The following ARHGAP15 variants were observed in gnomAD, a reference collection of about 807,000 sequenced individuals.
The protein encoded by ARHGAP15 is Rho GTPase activating protein 15.
A neutral mutation model predicts 63.7 loss-of-function variants in ARHGAP15; 51 were observed. That is an observed-to-expected ratio of 0.80 (90% confidence interval 0.64 to 1.01). The LOEUF is 1.01. ARHGAP15 is among the 50% of genes least tolerant of loss of function. The pLI, the probability that ARHGAP15 is intolerant of heterozygous loss-of-function variation, is 0.00. For missense variants in ARHGAP15, 560 were observed against 564.6 expected (o/e 0.99, Z 0.08); for synonymous variants, 191 against 193.8 (o/e 0.99, Z 0.12).
At chr2:143,352,278 CTAAA>C (rs1436789249) in intron 6 of ARHGAP15, among the ~76,000 whole-genome samples, 1 of 152,042 alleles carries the variant, frequency 6.6e-6, no homozygotes, top group African/African-American at 2.4e-5. Flanking sequence ...CTACTGCCAT[CTAAA>C]TAAATAAATA....
intron 5 of ARHGAP15, among the ~76,000 whole-genome samples, chr2:143,240,550 T>C (rs1177742546): frequency 6.6e-6 from 1 of 152,200 alleles, no homozygotes; most frequent in Non-Finnish European, 1.5e-5. Context: ...CTTAGACTAA[T>C]GAAGGCATTT....
intron 11 of ARHGAP15, among the ~76,000 whole-genome samples, chr2:143,558,497 G>T (rs963340117): frequency 6.6e-6 from 1 of 152,000 alleles, no homozygotes; most frequent in Non-Finnish European, 1.5e-5. Flanking sequence ...CCAACTTTTG[G>T]AAAGGATATA....
intron 6 of ARHGAP15, among the ~76,000 whole-genome samples, chr2:143,281,978 T>C (rs1456376940): frequency 6.6e-6 from 1 of 152,132 alleles, no homozygotes; most frequent in African/African-American, 2.4e-5. Flanking sequence ...TTGTTATAGA[T>C]GGAATTGAAT....
rs1332673746 is a variant in ARHGAP15 at position 143,136,894 on chromosome 2, T to C, written c.-15+7428T>C. Among the ~76,000 whole-genome samples the C allele has an allele frequency of 4.6e-5, 7 of 152,130 alleles. No individual in the cohort carries two copies. In the East Asian group the frequency reaches 1.4e-3, roughly 29 times the overall value. The stretch of plus-strand genomic sequence containing the variant: ...AATGAATTAGATATTAAGCAAGAGG[T>C]ATAGGTACATCAGAATATCTTGAAT... On this transcript the variant is annotated intron_variant, in intron 1 of 13. Coordinates refer to ENST00000295095, the MANE Select transcript of ARHGAP15 (RefSeq NM_018460.4).
intron 6 of ARHGAP15, among the ~76,000 whole-genome samples, chr2:143,388,769 G>A (rs1322014061): frequency 1.3e-5 from 2 of 151,962 alleles, no homozygotes; most frequent in Non-Finnish European, 2.9e-5. Context: ...CCATTAATTT[G>A]TAATTTAATT....
intron 12 of ARHGAP15, among the ~76,000 whole-genome samples, chr2:143,643,368 G>C (rs950596983): frequency 6.6e-6 from 1 of 151,874 alleles, no homozygotes; most frequent in African/African-American, 2.4e-5. Context: ...TTATGTACAT[G>C]TGAATCTGTG....
At chr2:143,269,878 A>C (rs1201449061) in intron 6 of ARHGAP15, among the ~76,000 whole-genome samples, 1 of 152,154 alleles carries the variant, frequency 6.6e-6, no homozygotes, top group Non-Finnish European at 1.5e-5. Flanking sequence ...AAGTATCAGT[A>C]CCTTTTTTTA....
At chr2:143,702,980 G>A (rs938589539) in intron 12 of ARHGAP15, among the ~76,000 whole-genome samples, 7 of 152,116 alleles carry the variant, frequency 4.6e-5, no homozygotes, top group Non-Finnish European at 8.8e-5. Flanking sequence ...ACACATTCCA[G>A]GGATTCAGAC....
At chr2:143,311,353 TTG>T (rs995259324) in intron 6 of ARHGAP15, among the ~76,000 whole-genome samples, 1 of 151,952 alleles carries the variant, frequency 6.6e-6, no homozygotes, top group Non-Finnish European at 1.5e-5. Flanking sequence ...ATTCATATTC[TTG>T]TGAGTTCATG....
intron 5 of ARHGAP15, among the ~76,000 whole-genome samples, chr2:143,248,489 GTC>G: frequency 6.6e-6 from 1 of 152,332 alleles, no homozygotes; most frequent in Middle Eastern, 3.4e-3. Flanking sequence ...GTTAAGAACA[GTC>G]TCTGCAGTGA....
chr2:143,622,000 T>TTG (rs376130498), intron 11 of ARHGAP15, among the ~76,000 whole-genome samples: 4,315 of 150,678 alleles, frequency 0.029, 100 homozygotes, highest in South Asian at 0.097. Flanking sequence ...GTAGAGATAG[T>TTG]TGTGTGTGTG....
At chr2:143,218,057 G>C (rs938096577) in intron 4 of ARHGAP15, among the ~76,000 whole-genome samples, 2 of 152,100 alleles carry the variant, frequency 1.3e-5, no homozygotes, top group Admixed American at 6.5e-5. Flanking sequence ...AGAAGAACAG[G>C]TCCCTTCCCC....
At chr2:143,375,872 T>A (rs1686787148) in intron 6 of ARHGAP15, among the ~76,000 whole-genome samples, 1 of 152,208 alleles carries the variant, frequency 6.6e-6, no homozygotes, top group African/African-American at 2.4e-5. Context: ...TTTTACTTTT[T>A]TCGGTGATGG....
At chr2:143,740,945 G>A (rs921277976) in intron 13 of ARHGAP15, 1 of 151,978 alleles carries the variant, frequency 6.6e-6, no homozygotes, top group Admixed American at 6.6e-5. Flanking sequence ...AAAGAAAGGC[G>A]AGGATTTAGC....
chr2:143,714,406 G>T (rs1684718735), intron 13 of ARHGAP15, among the ~76,000 whole-genome samples: 1 of 152,226 alleles, frequency 6.6e-6, no homozygotes, highest in East Asian at 1.9e-4. Flanking sequence ...CTCTGGGCCT[G>T]TGATGGGAGG....
chr2:143,639,452 G>A (rs1256186343), intron 12 of ARHGAP15, among the ~76,000 whole-genome samples: 1 of 152,114 alleles, frequency 6.6e-6, no homozygotes, highest in African/African-American at 2.4e-5. Flanking sequence ...AGCAGATGGA[G>A]AAGGCTAAAG....
chr2:143,487,373 T>C lies in ARHGAP15; in HGVS notation c.704T>C (p.Met235Thr), dbSNP rs1692372531. The stretch of plus-strand genomic sequence containing the variant: ...GCCTCTGATTTTTTTAAATCTTCAG[T>C]GTTCAGACTGCATCACAGTGCTTCC... Reference protein sequence around the residue: ...EQKPEHRKSLMFRLHHSASDT... With the variant: ...EQKPEHRKSLTFRLHHSASDT... Residue 235 changes from methionine (M) to threonine (T), a missense_variant and splice_region_variant, in exon 9 of 14, where the codon ATG (methionine) becomes ACG (threonine). Coordinates refer to ENST00000295095, the MANE Select transcript of ARHGAP15 (RefSeq NM_018460.4). 1 of 1,599,846 alleles carries C rather than the reference T, an allele frequency of 6.3e-7. No individual in the cohort carries two copies. The highest frequency in any genetic ancestry group is 1.4e-5 in the African/African-American group (1 of 73,990).
chr2:143,585,058 G>A (rs534580790), intron 11 of ARHGAP15, among the ~76,000 whole-genome samples: 11 of 152,092 alleles, frequency 7.2e-5, no homozygotes, highest in East Asian at 5.8e-4. Flanking sequence ...AAATCATCCC[G>A]AGGTTTAAAA....
chr2:143,670,468 G>A (rs1682461809), intron 12 of ARHGAP15, among the ~76,000 whole-genome samples: 1 of 152,160 alleles, frequency 6.6e-6, no homozygotes, highest in Admixed American at 6.6e-5. Context: ...ATCTACCTAA[G>A]TGCACTCTGC....
Sources: gnomAD v4.1 joint callset for allele counts (sites outside exome capture counted in the v4.1 genomes callset) on GRCh38, gnomAD v4.1.1 for gene constraint, MANE v1.5 for transcripts, NCBI Gene and HGNC (gene_info 2026-07-23, HGNC 2026-07-21) for gene names.